The following SLC26A5 variants were observed in gnomAD, a reference collection of about 807,000 sequenced individuals.
SLC26A5 encodes prestin.
SLC26A5 carries 51 observed loss-of-function variants against 81.0 expected under a neutral mutation model. The ratio of observed to expected loss-of-function variants is 0.63; its 90% confidence interval spans 0.50 to 0.80. The LOEUF is 0.80. Among genes scored for constraint, SLC26A5 ranks in the 30% least tolerant of loss-of-function variants. The probability of loss-of-function intolerance (pLI) is 0.00; values close to 1 mark genes in which losing one functional copy is unlikely to be tolerated. For synonymous variants in SLC26A5, 325 were observed against 332.8 expected (o/e 0.98, Z 0.25); for missense variants, 771 against 905.8 (o/e 0.85, Z 1.91).
intron 2 of SLC26A5, among the ~76,000 whole-genome samples, chr7:103,424,214 A>G (rs959723995): frequency 1.3e-5 from 2 of 151,864 alleles, no homozygotes; most frequent in Non-Finnish European, 2.9e-5. Flanking sequence ...TATCTTCCAA[A>G]CCCTTGTTCT....
chr7:103,376,224 C>T lies in SLC26A5; in HGVS notation c.2041+584G>A, dbSNP rs956367044. Among the ~76,000 whole-genome samples the T allele has an allele frequency of 5.3e-5, 8 of 151,814 alleles. No homozygotes were observed. In the East Asian group the frequency reaches 1.4e-3, roughly 26 times the overall value. On this transcript the variant is annotated intron_variant, in intron 19 of 19. Coordinates refer to ENST00000306312, the MANE Select transcript of SLC26A5 (RefSeq NM_198999.3). ...CCGAGTAGCTGGGATTACAGGCATG[C>T]GCCACCATGTCTGGCTAATTTTTGT...
In SLC26A5 at chr7:103,421,390, A is replaced by G. The variant is rs756274353; in HGVS notation, c.125T>C (p.Ile42Thr). The G allele has an allele frequency of 8.7e-6, 14 of 1,614,010 alleles. No homozygotes were observed. The highest frequency in any genetic ancestry group is 1.1e-5 in the Non-Finnish European group (13 of 1,179,998). The stretch of plus-strand genomic sequence containing the variant: ...GAATGCCTGTTTCAGCTTATCCGCA[A>G]TGGAATCAGGAACCTTGTCCTTTGT... Reference protein sequence around the residue: ...LHTKDKVPDSIADKLKQAFTC... With the variant: ...LHTKDKVPDSTADKLKQAFTC... The change falls in exon 3 of 20, where the codon ATT (isoleucine) becomes ACT (threonine). Residue 42 changes from isoleucine (I) to threonine (T), a missense_variant. Transcript: ENST00000306312.
intron 2 of SLC26A5, among the ~76,000 whole-genome samples, chr7:103,427,341 G>A (rs184675261): frequency 1.7e-3 from 256 of 152,122 alleles, no homozygotes; most frequent in African/African-American, 6.0e-3. Flanking sequence ...GCCTCCCAAA[G>A]TGCTGGAATT....
In SLC26A5 at chr7:103,374,673, AGT is replaced by A. The variant is rs1821222885; in HGVS notation, c.2042-83_2042-82del. On this transcript the variant is annotated intron_variant, in intron 19 of 19. Coordinates refer to ENST00000306312, the MANE Select transcript of SLC26A5 (RefSeq NM_198999.3). Reference sequence around the variant, plus strand: ...TTAAAAAAAAGTAACACTTCCATATAGTGTTTTTTTTTTTGTTATTGTTTTTT... The same window carrying A: ...TTAAAAAAAAGTAACACTTCCATATAGTTTTTTTTTTTGTTATTGTTTTTT... 4.1e-6 allele frequency: 5 copies of A among 1,210,512 alleles called. No individual in the cohort carries two copies. In the South Asian group the frequency reaches 5.6e-5, roughly 14 times the overall value. The allele number at this position is 1,210,512 out of a possible 1,614,324, so 75.0% of individuals were successfully genotyped here.
At chr7:103,395,952 C>T (rs1322837177) in intron 9 of SLC26A5, among the ~76,000 whole-genome samples, 2 of 152,168 alleles carry the variant, frequency 1.3e-5, no homozygotes, top group Admixed American at 6.5e-5. Flanking sequence ...GACTTGAATG[C>T]TTACTGTGTC....
At chr7:103,444,572 C>T (rs994361333) in intron 1 of SLC26A5, among the ~76,000 whole-genome samples, 2 of 152,234 alleles carry the variant, frequency 1.3e-5, no homozygotes, top group African/African-American at 4.8e-5. Flanking sequence ...AGCAAAGCGC[C>T]TCTATGCGAA....
chr7:103,386,406 A>G (rs1393911815), intron 14 of SLC26A5, among the ~76,000 whole-genome samples: 2 of 151,962 alleles, frequency 1.3e-5, no homozygotes, highest in East Asian at 3.9e-4. Context: ...TCTTTACTAA[A>G]AATAAAAAAA....
At chr7:103,440,405 T>C (rs939892860) in intron 2 of SLC26A5, among the ~76,000 whole-genome samples, 3 of 152,246 alleles carry the variant, frequency 2.0e-5, no homozygotes, top group Non-Finnish European at 4.4e-5. Flanking sequence ...CACAACACTA[T>C]TCTTATTATC....
chr7:103,381,315 A>G (rs955696259), intron 14 of SLC26A5, among the ~76,000 whole-genome samples: 1 of 151,400 alleles, frequency 6.6e-6, no homozygotes, highest in Non-Finnish European at 1.5e-5. Flanking sequence ...CACATAATGC[A>G]TGTACACCAC....
At position 103,358,592 on chromosome 7, in the gene SLC26A5, G is replaced by A. The variant is rs1480114879; in HGVS notation, c.2042-5666C>T. ...TTTTTTTCCTCCCATTTTTCTTCTC[G>A]TAGGTTTTTAATTTCTCAGGTAAAA... is the stretch of plus-strand genomic sequence containing the variant. On this transcript the variant is annotated intron_variant, in intron 19 of 19. Coordinates refer to the SLC26A5 transcript ENST00000339444. 3.3e-5 allele frequency among the ~76,000 whole-genome samples: 5 copies of A among 150,522 alleles called. No individual in the cohort carries two copies. In the East Asian group the frequency reaches 7.7e-4, roughly 23 times the overall value.
chr7:103,445,100 G>A (rs1480389125), intron 1 of SLC26A5: 2 of 152,126 alleles, frequency 1.3e-5, no homozygotes, highest in African/African-American at 4.8e-5. Context: ...GCAAAAAGTT[G>A]ATATTTTTTG....
chr7:103,412,553 G>GTTTTTTTTTT (rs565602326), intron 5 of SLC26A5, among the ~76,000 whole-genome samples: 1 of 114,392 alleles, frequency 8.7e-6, no homozygotes, highest in Non-Finnish European at 1.7e-5. Context: ...TTTTTTTTTT[G>GTTTTTTTTTT]TTTTTTTTTT....
intron 2 of SLC26A5, among the ~76,000 whole-genome samples, chr7:103,427,387 A>G (rs1294130856): frequency 6.6e-6 from 1 of 151,972 alleles, no homozygotes; most frequent in African/African-American, 2.4e-5. Context: ...CTCATCATAG[A>G]TTTTAAAATC....
At chr7:103,401,145 A>G (rs143036628) in intron 8 of SLC26A5, among the ~76,000 whole-genome samples, 1,989 of 152,258 alleles carry the variant, frequency 0.013, 17 homozygotes, top group South Asian at 0.026. Flanking sequence ...TATAAATTCT[A>G]TAAATTACTT....
intron 9 of SLC26A5, among the ~76,000 whole-genome samples, chr7:103,396,783 T>A (rs1283178067): frequency 1.3e-5 from 2 of 152,136 alleles, no homozygotes; most frequent in African/African-American, 4.8e-5. Context: ...TTAACACTAC[T>A]GAACTGTACA....
At chr7:103,366,608 C>T (rs949338091) in intron 19 of SLC26A5, among the ~76,000 whole-genome samples, 2 of 152,172 alleles carry the variant, frequency 1.3e-5, no homozygotes, top group Non-Finnish European at 2.9e-5. Context: ...TTGGGATGCT[C>T]AGTCTATATC....
In SLC26A5 at chr7:103,376,853, C is replaced by T; in HGVS notation, c.1996G>A (p.Glu666Lys). 1 of 1,598,208 alleles carries T rather than the reference C, an allele frequency of 6.3e-7. No homozygotes were observed. The stretch of plus-strand genomic sequence containing the variant: ...ACATATATACCGACGTCTCCATATT[C>T]TTTTACAATCTGTAATAATGTTGAA... Reference protein sequence around the residue: ...GVKTLAGIVKEYGDVGIYVYL... With the variant: ...GVKTLAGIVKKYGDVGIYVYL... Residue 666 changes from glutamate to lysine, a missense_variant, in exon 19 of 20, where the codon GAA becomes AAA. Glu to Lys is a moderately conservative substitution (Grantham distance 56). Transcript: ENST00000306312.
intron 4 of SLC26A5, among the ~76,000 whole-genome samples, chr7:103,418,406 A>C (rs1825087419): frequency 6.6e-6 from 1 of 152,184 alleles, no homozygotes; most frequent in African/African-American, 2.4e-5. Flanking sequence ...GGTTGTCAGC[A>C]GTCATTCCTG....
At chr7:103,441,069 T>C (rs1325962354) in intron 2 of SLC26A5, among the ~76,000 whole-genome samples, 2 of 152,198 alleles carry the variant, frequency 1.3e-5, no homozygotes, top group Non-Finnish European at 2.9e-5. Flanking sequence ...TCTGCCTGCA[T>C]TTTAGCAAGC....
Sources: gnomAD v4.1 joint callset for allele counts (sites outside exome capture counted in the v4.1 genomes callset) on GRCh38, gnomAD v4.1.1 for gene constraint, MANE v1.5 for transcripts, NCBI Gene and HGNC (gene_info 2026-07-23, HGNC 2026-07-21) for gene names.